RBM47: variants seen among roughly 807,000 people sequenced by gnomAD.
RBM47 encodes RNA binding motif protein 47.
RBM47 carries 21 observed loss-of-function variants against 47.1 expected under a neutral mutation model. The observed-to-expected ratio is 0.45, with a 90% confidence interval of 0.32 to 0.64. The LOEUF (loss-of-function observed/expected upper bound fraction) is 0.64. Among genes scored for constraint, RBM47 ranks in the 30% least tolerant of loss-of-function variants. The pLI, the probability that RBM47 is intolerant of heterozygous loss-of-function variation, is 0.05. For synonymous variants in RBM47, 375 were observed against 361.7 expected, an observed-to-expected ratio of 1.04 and a Z score of -0.42; for missense variants, 708 against 870.9, an observed-to-expected ratio of 0.81 and a Z score of 2.35.
intron 2 of RBM47, among the ~76,000 whole-genome samples, chr4:40,518,521 T>C (rs571969364): frequency 6.6e-6 from 1 of 152,258 alleles, no homozygotes; most frequent in South Asian, 2.1e-4. Context: ...GTATTTGATA[T>C]ATGACACCTC....
intron 2 of RBM47, among the ~76,000 whole-genome samples, chr4:40,528,504 ATATC>A (rs1454737576): frequency 6.6e-6 from 1 of 152,042 alleles, no homozygotes; most frequent in Non-Finnish European, 1.5e-5. Context: ...ATGTAACTAC[ATATC>A]TAAAATGGGA....
At position 40,438,635 on chromosome 4, in the gene RBM47, G is replaced by C. The variant is rs1713110990; in HGVS notation, c.259C>G (p.Leu87Val). The C allele has an allele frequency of 6.2e-7, 1 of 1,613,184 alleles. No individual in the cohort carries two copies. The highest frequency in any genetic ancestry group is 1.7e-5 in the Admixed American group (1 of 60,002). Residue 87 changes from leucine (L) to valine (V), a missense_variant, in exon 4 of 7, where the codon CTG becomes GTG. Coordinates refer to ENST00000295971, the MANE Select transcript of RBM47 (RefSeq NM_001098634.2). ...CCCACGGCCTCGAACACGGGCACCA[G>C]CTCGTCCTCGTACACGTCGCGCGGG... ...KIPRDVYEDE[L>V]VPVFEAVGRI... is the part of the protein sequence containing the mutation.
rs544509028 is a variant in RBM47, at chr4:40,431,589, C to T, written c.1542+1062G>A. 5.9e-4 allele frequency among the ~76,000 whole-genome samples: 89 copies of T among 149,782 alleles called. 2 individuals carry two copies. In the South Asian group the frequency reaches 8.3e-3, roughly 14 times the overall value. ...AGGAGAATGGCGTGAACCTGGGAGGCGGAGCTTGCAGTGAGCCGAGATGGC... is the reference window on the plus strand; with the variant it reads ...AGGAGAATGGCGTGAACCTGGGAGGTGGAGCTTGCAGTGAGCCGAGATGGC... On this transcript the variant is annotated intron_variant, in intron 6 of 6. Coordinates refer to ENST00000295971, the MANE Select transcript of RBM47 (RefSeq NM_001098634.2).
chr4:40,559,964 T>C (rs1320449796), intron 1 of RBM47, among the ~76,000 whole-genome samples: 1 of 152,192 alleles, frequency 6.6e-6, no homozygotes, highest in African/African-American at 2.4e-5. Flanking sequence ...ACTAGCCAGA[T>C]AGCTGTTAGA....
chr4:40,520,246 C>T (rs1324195219), intron 2 of RBM47, among the ~76,000 whole-genome samples: 1 of 152,118 alleles, frequency 6.6e-6, no homozygotes, highest in Non-Finnish European at 1.5e-5. Context: ...AATTATGTGT[C>T]CCTGAGAAAG....
rs528317848 is a variant in RBM47 at position 40,528,139 on chromosome 4, G to A, written c.-155+16283C>T. Among the ~76,000 whole-genome samples, 670 of 152,328 alleles carry A rather than the reference G, an allele frequency of 4.4e-3. 5 individuals are homozygous for A. The highest frequency in any genetic ancestry group is 0.016 in the African/African-American group (647 of 41,576). ...CCCATAGAAATGTTTTGGGCCAGGT[G>A]TGGTGGCTCATGCCTGTAATCCCAG... is the stretch of plus-strand genomic sequence containing the variant. On this transcript the variant is annotated intron_variant, in intron 2 of 6. Transcript: ENST00000295971.
Position 40,557,069 on chromosome 4 carries a change from T to C in RBM47, c.-239-12563A>G, listed in dbSNP as rs572266361. ...CAGAATGCAGAGCAATTATAATTTA[T>C]GCTTCAACTTTTCTGTCCCCTAAAT... On this transcript the variant is annotated intron_variant, in intron 1 of 6. Coordinates refer to ENST00000295971, the MANE Select transcript of RBM47 (RefSeq NM_001098634.2). Among the ~76,000 whole-genome samples the C allele has an allele frequency of 7.2e-5, 11 of 152,302 alleles. No individual in the cohort carries two copies. In the South Asian group the frequency reaches 1.9e-3, roughly 26 times the overall value.
intron 2 of RBM47, among the ~76,000 whole-genome samples, chr4:40,535,757 A>G (rs1021323446): frequency 6.6e-6 from 1 of 151,972 alleles, no homozygotes; most frequent in Non-Finnish European, 1.5e-5. Flanking sequence ...ACTGGGTTTC[A>G]CCATGTTGAC....
intron 6 of RBM47, among the ~76,000 whole-genome samples, chr4:40,428,684 T>A (rs1178604017): frequency 6.6e-6 from 1 of 152,232 alleles, no homozygotes; most frequent in Non-Finnish European, 1.5e-5. Flanking sequence ...CACCAAGTTT[T>A]GCACATAGAC....
chr4:40,587,816 T>C (rs1265513577), intron 1 of RBM47, among the ~76,000 whole-genome samples: 1 of 152,216 alleles, frequency 6.6e-6, no homozygotes, highest in African/African-American at 2.4e-5. Flanking sequence ...GCTGACATGC[T>C]GGTTACTGGT....
chr4:40,500,588 C>A (rs911197627), intron 2 of RBM47, among the ~76,000 whole-genome samples: 6 of 145,362 alleles, frequency 4.1e-5, no homozygotes, highest in African/African-American at 1.3e-4. Context: ...TAAAGCAAGA[C>A]CCTATCTCCA....
intron 2 of RBM47, among the ~76,000 whole-genome samples, chr4:40,479,940 A>C (rs1485517468): frequency 6.7e-6 from 1 of 149,930 alleles, no homozygotes; most frequent in Non-Finnish European, 1.5e-5. Flanking sequence ...GGCAACCCCC[A>C]TACATAGGTT....
At position 40,588,992 on chromosome 4, in the gene RBM47, CTTTTTTTTTT is replaced by C. The variant is rs34195998; in HGVS notation, c.-240+40394_-240+40403del. On this transcript the variant is annotated intron_variant, in intron 1 of 6. Coordinates refer to ENST00000295971, the MANE Select transcript of RBM47 (RefSeq NM_001098634.2). Reference sequence around the variant, plus strand: ...TAGAGGAATAATAGCTAAAGCGTTTCTTTTTTTTTTTTTTTTTTTTTTTTTTGAGACAGTG... The same window carrying C: ...TAGAGGAATAATAGCTAAAGCGTTTCTTTTTTTTTTTTTTTTGAGACAGTG... 1.4e-3 allele frequency among the ~76,000 whole-genome samples: 110 copies of C among 79,492 alleles called. 1 individual carries two copies. Among genetic ancestry groups the C allele is most frequent in the African/African-American group, 5.2e-3 (106 of 20,582 alleles). 52.1% of individuals were successfully genotyped at this position (79,492 alleles called of 152,430 possible).
chr4:40,594,208 G>C (rs1734548980), intron 1 of RBM47, among the ~76,000 whole-genome samples: 1 of 152,024 alleles, frequency 6.6e-6, no homozygotes, highest in Non-Finnish European at 1.5e-5. Flanking sequence ...ACAACAGAAA[G>C]CATATTCTGC....
chr4:40,532,306 G>A (rs959359119), intron 2 of RBM47, among the ~76,000 whole-genome samples: 9 of 130,574 alleles, frequency 6.9e-5, no homozygotes, highest in South Asian at 4.8e-4. Flanking sequence ...CACCACGCCC[G>A]GCATTTTTTT....
In RBM47 at chr4:40,581,048, GCA is replaced by G. The variant is rs567364199; in HGVS notation, c.-239-36544_-239-36543del. On this transcript the variant is annotated intron_variant, in intron 1 of 6. Coordinates refer to ENST00000295971, the MANE Select transcript of RBM47 (RefSeq NM_001098634.2). Reference sequence around the variant, plus strand: ...TCTGGTAATGGAGGCAGAGGTGGGAGCACAGAGGTTGGGAGGTGGCCAGAGGT... The same window carrying G: ...TCTGGTAATGGAGGCAGAGGTGGGAGCAGAGGTTGGGAGGTGGCCAGAGGT... Among the ~76,000 whole-genome samples the G allele has an allele frequency of 1.7e-3, 258 of 152,286 alleles. 3 individuals are homozygous for G. The highest frequency in any genetic ancestry group is 5.9e-3 in the African/African-American group (245 of 41,558).
intron 1 of RBM47, among the ~76,000 whole-genome samples, chr4:40,613,404 G>A (rs893998301): frequency 5.9e-5 from 9 of 152,000 alleles, no homozygotes; most frequent in Non-Finnish European, 1.3e-4. Context: ...TAGTAGCCTC[G>A]AAAGAAAAAT....
At chr4:40,611,753 C>A (rs1415672194) in intron 1 of RBM47, among the ~76,000 whole-genome samples, 2 of 151,376 alleles carry the variant, frequency 1.3e-5, no homozygotes, top group Non-Finnish European at 2.9e-5. Flanking sequence ...CAAAACAAAA[C>A]AAAAAAAACC....
In RBM47 at chr4:40,424,861, G is replaced by C. The variant is rs1345856836; in HGVS notation, c.*1043C>G. ...TAAAAGCATTAGAAATGGCATTAAAGTTTTACATTGGGCAATTAAATAGCT... is the reference window on the plus strand; with the variant it reads ...TAAAAGCATTAGAAATGGCATTAAACTTTTACATTGGGCAATTAAATAGCT... On this transcript the variant is annotated 3_prime_UTR_variant, in exon 7 of 7. Transcript: ENST00000295971. 6.6e-6 allele frequency: 1 copy of C among 152,014 alleles called. No homozygotes were observed. The highest frequency in any genetic ancestry group is 1.5e-5 in the Non-Finnish European group (1 of 68,006). 9.4% of individuals were successfully genotyped at this position (152,014 alleles called of 1,614,324 possible).
Sources: allele counts gnomAD v4.1 joint callset (sites outside exome capture counted in the v4.1 genomes callset), GRCh38; gene constraint gnomAD v4.1.1; transcripts MANE v1.5; gene names NCBI Gene and HGNC (gene_info 2026-07-23, HGNC 2026-07-21).